The following TFB2M variants were observed in gnomAD, a reference collection of about 807,000 sequenced individuals.
The protein encoded by TFB2M is dimethyladenosine transferase 2, mitochondrial.
A neutral mutation model predicts 41.3 loss-of-function variants in TFB2M; 44 were observed. That is an observed-to-expected ratio of 1.07 (90% CI 0.84 to 1.37). The LOEUF (loss-of-function observed/expected upper bound fraction) is 1.37. Among genes scored for constraint, TFB2M ranks in the 40% most tolerant of loss-of-function variants. The pLI, the probability that TFB2M is intolerant of heterozygous loss-of-function variation, is 0.00. For missense variants in TFB2M, 496 were observed against 490.2 expected (o/e 1.01, Z -0.11); for synonymous variants, 188 against 176.8 (o/e 1.06, Z -0.50).
chr1:246,562,047 G>A (rs1380691506), intron 2 of TFB2M, among the ~76,000 whole-genome samples: 3 of 152,106 alleles, frequency 2.0e-5, no homozygotes, highest in African/African-American at 7.2e-5. Flanking sequence ...AACTCCCTCA[G>A]ATTTAACATC....
chr1:246,560,224 ATC>A (rs1659420501), intron 2 of TFB2M, among the ~76,000 whole-genome samples: 2 of 152,220 alleles, frequency 1.3e-5, no homozygotes, highest in South Asian at 4.1e-4. Context: ...CATTAACATA[ATC>A]TTTCAAGTTA....
intron 2 of TFB2M, among the ~76,000 whole-genome samples, chr1:246,561,384 T>C (rs759750233): frequency 1.4e-4 from 22 of 152,152 alleles, no homozygotes; most frequent in Non-Finnish European, 2.9e-4. Flanking sequence ...ATTCCTATCA[T>C]AATTATTGTT....
intron 7 of TFB2M, among the ~76,000 whole-genome samples, 173 bp downstream of exon 7, chr1:246,544,348 A>T (rs1658940359): frequency 6.6e-6 from 1 of 152,234 alleles, no homozygotes; most frequent in Admixed American, 6.5e-5. Flanking sequence ...GATTATGGGA[A>T]AAATATATTT....
chr1:246,566,169 C>A lies in TFB2M; in HGVS notation c.-31G>T. 6.3e-7 allele frequency: 1 copy of A among 1,587,598 alleles called. No homozygotes were observed. Among genetic ancestry groups the A allele is most frequent in the South Asian group, 1.1e-5 (1 of 89,548 alleles). On this transcript the variant is annotated 5_prime_UTR_variant, in exon 1 of 8. Transcript: ENST00000366514. ...TGTCTCTCAGGCCCGCTCCAAGAAT[C>A]ACCTAGTGCAGCTACTACAGTGAAC...
chr1:246,555,931 C>T (rs1346307242), intron 4 of TFB2M, among the ~76,000 whole-genome samples: 2 of 152,034 alleles, frequency 1.3e-5, no homozygotes, highest in African/African-American at 4.8e-5. Flanking sequence ...GCTGGGATTA[C>T]AGGCATGCAC....
intron 1 of TFB2M, 136 bp from the exon 2 acceptor site, chr1:246,564,570 T>A: frequency 2.9e-6 from 2 of 680,654 alleles, no homozygotes; most frequent in African/African-American, 1.8e-5. Context: ...GATGTCACTC[T>A]CCTTTTTACA....
intron 4 of TFB2M, among the ~76,000 whole-genome samples, chr1:246,551,748 C>T (rs1160285235): frequency 7.9e-5 from 12 of 152,264 alleles, no homozygotes; most frequent in South Asian, 2.1e-4. Context: ...GTTACCTCAA[C>T]GAATGGGAAG....
chr1:246,546,985 T>TCACACACACA (rs1558509715), intron 6 of TFB2M, among the ~76,000 whole-genome samples: 1 of 64,568 alleles, frequency 1.5e-5, no homozygotes, highest in Admixed American at 1.3e-4. Context: ...ACACACACAT[T>TCACACACACA]TTTTTTTTTT....
chr1:246,547,366 T>C (rs937945383), intron 6 of TFB2M, among the ~76,000 whole-genome samples: 13 of 152,370 alleles, frequency 8.5e-5, no homozygotes, highest in African/African-American at 2.9e-4. Context: ...ATATACAGGA[T>C]TGTTCATTTG....
At chr1:246,551,442 T>C (rs1659179323) in intron 4 of TFB2M, 140 bp from the exon 5 acceptor site, 1 of 630,382 alleles carries the variant, frequency 1.6e-6, no homozygotes, top group Admixed American at 2.8e-5. Flanking sequence ...AAAAGCCGGG[T>C]GCAGCGGTGC....
chr1:246,555,460 C>A (rs1659297052), intron 4 of TFB2M, among the ~76,000 whole-genome samples: 1 of 152,024 alleles, frequency 6.6e-6, no homozygotes, highest in African/African-American at 2.4e-5. Context: ...GCTGCAGTCC[C>A]AGCTTGGGGG....
chr1:246,540,821 A>G lies in TFB2M; in HGVS notation c.*210T>C. The G allele has an allele frequency of 2.2e-6, 1 of 447,806 alleles. No homozygotes were observed. The highest frequency in any genetic ancestry group is 3.9e-6 in the Non-Finnish European group (1 of 255,476). 27.7% of individuals were successfully genotyped at this position (447,806 alleles called of 1,614,324 possible). On this transcript the variant is annotated 3_prime_UTR_variant, in exon 8 of 8. Transcript: ENST00000366514. Reference sequence around the variant, plus strand: ...ATCTGATCAAATCCACAATTAATTGAAGTTTTCATTTTATTCAATTGTGAA... The same window carrying G: ...ATCTGATCAAATCCACAATTAATTGGAGTTTTCATTTTATTCAATTGTGAA...
At chr1:246,541,696 C>T (rs1378159325) in intron 7 of TFB2M, among the ~76,000 whole-genome samples, 2 of 152,082 alleles carry the variant, frequency 1.3e-5, no homozygotes, top group Non-Finnish European at 2.9e-5. Flanking sequence ...TAATCACTGC[C>T]GTTTGAAAAA....
chr1:246,548,083 A>C (rs1659072054), intron 6 of TFB2M, among the ~76,000 whole-genome samples: 1 of 152,120 alleles, frequency 6.6e-6, no homozygotes, highest in African/African-American at 2.4e-5. Context: ...AATAGCTGGA[A>C]TTACAGGCAT....
chr1:246,559,577 C>T (rs1057360560), intron 2 of TFB2M, among the ~76,000 whole-genome samples: 1 of 152,126 alleles, frequency 6.6e-6, no homozygotes, highest in Admixed American at 6.6e-5. Context: ...AAATCTAGTA[C>T]ATTTTAACAA....
chr1:246,557,486 A>C lies in TFB2M; in HGVS notation c.451T>G (p.Phe151Val). The C allele has an allele frequency of 6.2e-7, 1 of 1,612,946 alleles. No homozygotes were observed. Among genetic ancestry groups the C allele is most frequent in the Non-Finnish European group, 8.5e-7 (1 of 1,179,544 alleles). The change falls in exon 3 of 8, where the codon TTC becomes GTC. Residue 151 changes from phenylalanine to valine, a missense_variant. Physicochemically the swap from Phe to Val is conservative, Grantham distance 50. Coordinates refer to ENST00000366514, the MANE Select transcript of TFB2M (RefSeq NM_022366.3). ...CCACTTCTAGGATCTAGTTTAAAGA[A>C]GTCACAGTGAATCACTCGTAGTTTT... ...DGKLRVIHCD[F>V]FKLDPRSGGV...
intron 6 of TFB2M, among the ~76,000 whole-genome samples, chr1:246,544,982 T>G (rs537906839): frequency 6.6e-6 from 1 of 152,094 alleles, no homozygotes; most frequent in South Asian, 2.1e-4. Context: ...ATTTTTTGTA[T>G]TTTTAGTAGA....
intron 2 of TFB2M, among the ~76,000 whole-genome samples, chr1:246,562,439 C>T (rs1034133959): frequency 5.3e-5 from 8 of 152,210 alleles, no homozygotes; most frequent in Non-Finnish European, 1.0e-4. Flanking sequence ...TGACTACAGG[C>T]TGAGCATCCT....
At chr1:246,565,047 G>T (rs1659577101) in intron 1 of TFB2M, among the ~76,000 whole-genome samples, 1 of 152,164 alleles carries the variant, frequency 6.6e-6, no homozygotes, top group Non-Finnish European at 1.5e-5. Flanking sequence ...AAAATAGATT[G>T]CCTCTAGCCT....
Sources: gnomAD v4.1 joint callset for allele counts (sites outside exome capture counted in the v4.1 genomes callset) on GRCh38, gnomAD v4.1.1 for gene constraint, MANE v1.5 for transcripts, NCBI Gene and HGNC (gene_info 2026-07-23, HGNC 2026-07-21) for gene names.